Variants in PCDHGB4 observed in about 807,000 individuals in gnomAD.
PCDHGB4 encodes protocadherin gamma-B4.
PCDHGB4 carries 38 observed loss-of-function variants against 60.5 expected under a neutral mutation model. The observed-to-expected ratio is 0.63, with a 90% CI of 0.48 to 0.82. PCDHGB4 has a LOEUF of 0.82. Among genes scored for constraint, PCDHGB4 ranks in the 40% least tolerant of loss-of-function variants. The pLI is 0.00. For missense variants in PCDHGB4, 1,109 were observed against 1,209.6 expected (o/e 0.92, Z 1.23); for synonymous variants, 456 against 509.7 (o/e 0.89, Z 1.42).
Position 141,485,291 on chromosome 5 carries a change from CAGGA to C in PCDHGB4, c.2398-9512_2398-9509del. ...CCGCTACCCGGTCCCAGAGGAGTCA[CAGGA>C]AGGGACTTTTGTAGGGAATGTCGCT... On this transcript the variant is annotated intron_variant, in intron 1 of 3. Transcript: ENST00000519479. The surrounding 1 kb of genome is among the most constrained non-coding windows in gnomAD (Gnocchi z 5.7). 1 of 1,614,152 alleles carries C rather than the reference CAGGA, an allele frequency of 6.2e-7. No individual in the cohort carries two copies. Among genetic ancestry groups the C allele is most frequent in the Non-Finnish European group, 8.5e-7 (1 of 1,179,992 alleles).
At chr5:141,417,915 C>T in intron 1 of PCDHGB4, 1 of 1,603,354 alleles carries the variant, frequency 6.2e-7, no homozygotes. Flanking sequence ...GTACTATTTC[C>T]TTTGCTGCTG....
chr5:141,398,905 A>G lies in PCDHGB4; in HGVS notation c.2397+8624A>G, dbSNP rs200564636. ...TCGGGAAAACGTGCCACCAGGCACC[A>G]CTGTGTTGCAAGTGTCAGCCACTGA... On this transcript the variant is annotated intron_variant, in intron 1 of 3. Coordinates refer to ENST00000519479, the MANE Select transcript of PCDHGB4 (RefSeq NM_003736.4). 1.2e-3 allele frequency: 1,935 copies of G among 1,613,984 alleles called. 4 individuals carry two copies. Among genetic ancestry groups the G allele is most frequent in the Middle Eastern group, 3.5e-3 (21 of 6,062 alleles).
intron 1 of PCDHGB4, chr5:141,413,978 T>C (rs2095697435): frequency 1.2e-6 from 2 of 1,613,414 alleles, no homozygotes; most frequent in Non-Finnish European, 8.5e-7. Flanking sequence ...CTGCTGACAG[T>C]CACAGCCACC....
At chr5:141,498,530 A>G (rs1275299749) in intron 2 of PCDHGB4, among the ~76,000 whole-genome samples, 1 of 149,364 alleles carries the variant, frequency 6.7e-6, no homozygotes, top group Non-Finnish European at 1.5e-5. Flanking sequence ...ACTGCCCTCC[A>G]GCCTGGTCTG....
chr5:141,458,674 A>G (rs1315462699), intron 1 of PCDHGB4, among the ~76,000 whole-genome samples: 1 of 152,104 alleles, frequency 6.6e-6, no homozygotes, highest in East Asian at 1.9e-4. Flanking sequence ...GGTTCAAGCA[A>G]TTCTACTGCC....
At chr5:141,427,444 G>T (rs1184893966) in intron 1 of PCDHGB4, 1 of 482,228 alleles carries the variant, frequency 2.1e-6, no homozygotes, top group South Asian at 1.5e-5. Flanking sequence ...ATAAACGAAA[G>T]AGTTCCTTTT....
At position 141,390,003 on chromosome 5, in the gene PCDHGB4, C is replaced by T; in HGVS notation, c.2119C>T (p.Leu707=). ...AGTGCTCTTCCTCGTGGCCATGATTCTGGCCATTGCCTTGCGCCTGCGACG... is the reference window on the plus strand; with the variant it reads ...AGTGCTCTTCCTCGTGGCCATGATTTTGGCCATTGCCTTGCGCCTGCGACG... ...ISVLFLVAMI[L]AIALRLRRSS... Residue 707 remains leucine (L), a synonymous_variant, in exon 1 of 4, where the codon CTG becomes TTG. Coordinates refer to ENST00000519479, the MANE Select transcript of PCDHGB4 (RefSeq NM_003736.4). 1 of 1,614,056 alleles carries T rather than the reference C, an allele frequency of 6.2e-7. No individual in the cohort carries two copies. The highest frequency in any genetic ancestry group is 8.5e-7 in the Non-Finnish European group (1 of 1,179,896).
chr5:141,391,135 C>T (rs1481057033), intron 1 of PCDHGB4: 2 of 152,104 alleles, frequency 1.3e-5, no homozygotes, highest in Non-Finnish European at 2.9e-5. Flanking sequence ...AATCATTCTC[C>T]TACCTCTAGG....
Position 141,490,672 on chromosome 5 carries a change from G to A in PCDHGB4, c.2398-4135G>A. ...GGGCTCCCTTCTTTGCACTGTGGCT[G>A]CCTCAGATCCAGACACTGGGGATAA... is the stretch of plus-strand genomic sequence containing the variant. On this transcript the variant is annotated intron_variant, in intron 1 of 3. Transcript: ENST00000519479. This position sits in a 1 kb window ranked among gnomAD's most constrained non-coding sequence, Gnocchi z 5.4. 1.2e-6 allele frequency: 2 copies of A among 1,614,114 alleles called. No homozygotes were observed. Among genetic ancestry groups the A allele is most frequent in the Non-Finnish European group, 1.7e-6 (2 of 1,179,996 alleles).
intron 1 of PCDHGB4, chr5:141,415,772 T>TTA: frequency 7.5e-7 from 1 of 1,332,978 alleles, no homozygotes; most frequent in Non-Finnish European, 9.6e-7. Flanking sequence ...TTTTTTTTTT[T>TTA]ACTTTCTGGT....
chr5:141,432,560 A>C lies in PCDHGB4; in HGVS notation c.2397+42279A>C. The C allele has an allele frequency of 2.5e-6, 4 of 1,613,600 alleles. No individual in the cohort carries two copies. Among genetic ancestry groups the C allele is most frequent in the Non-Finnish European group, 3.4e-6 (4 of 1,179,962 alleles). ...GGCGGTGGACAGAGACTCCGGCCAG[A>C]ACGCCTGGCTGTCCTACCGTCTGCT... On this transcript the variant is annotated intron_variant, in intron 1 of 3. Transcript: ENST00000519479. The surrounding 1 kb of genome is among the most constrained non-coding windows in gnomAD (Gnocchi z 6.0).
intron 1 of PCDHGB4, chr5:141,418,928 A>C: frequency 1.2e-6 from 2 of 1,613,978 alleles, no homozygotes; most frequent in Non-Finnish European, 1.7e-6. Flanking sequence ...TGATCAGATT[A>C]TGGAGGATTC....
chr5:141,473,879 C>G (rs937312573), intron 1 of PCDHGB4, among the ~76,000 whole-genome samples: 2 of 152,120 alleles, frequency 1.3e-5, no homozygotes, highest in Admixed American at 1.3e-4. Context: ...AATGCATACA[C>G]AAGGGTTCTG....
intron 1 of PCDHGB4, chr5:141,414,584 C>G (rs1359132446): frequency 3.1e-6 from 5 of 1,613,956 alleles, no homozygotes; most frequent in Non-Finnish European, 4.2e-6. Context: ...GAGAACAACG[C>G]CAGGGGTGCC....
chr5:141,393,073 C>T, intron 1 of PCDHGB4: 1 of 1,613,658 alleles, frequency 6.2e-7, no homozygotes. Context: ...TTGATCACCG[C>T]GGGCAGGATA....
intron 1 of PCDHGB4, among the ~76,000 whole-genome samples, chr5:141,474,926 C>T (rs756761848): frequency 1.3e-5 from 2 of 152,218 alleles, no homozygotes; most frequent in Non-Finnish European, 2.9e-5. Context: ...TCATCTCTGG[C>T]TTATATCACA....
chr5:141,426,297 G>T (rs1056504791), intron 1 of PCDHGB4: 3 of 171,478 alleles, frequency 1.7e-5, no homozygotes, highest in African/African-American at 7.1e-5. Context: ...TGGGAAACAG[G>T]GTGAAGCAGA....
intron 1 of PCDHGB4, among the ~76,000 whole-genome samples, chr5:141,444,726 G>C (rs1296177763): frequency 6.6e-6 from 1 of 152,048 alleles, no homozygotes; most frequent in African/African-American, 2.4e-5. Flanking sequence ...TGGTGCCTTT[G>C]TTGAAAGTCA....
intron 1 of PCDHGB4, among the ~76,000 whole-genome samples, chr5:141,447,749 T>G (rs1462661604): frequency 6.6e-6 from 1 of 152,196 alleles, no homozygotes; most frequent in Non-Finnish European, 1.5e-5. Context: ...GAGTCTTGCA[T>G]GTGACTGTAT....
Sources: gnomAD v4.1 joint callset for allele counts (sites outside exome capture counted in the v4.1 genomes callset) on GRCh38, gnomAD v4.1.1 for gene constraint, Gnocchi (gnomAD v3.1) non-coding constraint, MANE v1.5 for transcripts, NCBI Gene and HGNC (gene_info 2026-07-23, HGNC 2026-07-21) for gene names.